ABLIM1: variants seen among roughly 807,000 people sequenced by gnomAD.
ABLIM1 encodes the protein actin binding LIM protein 1, also known as actin-binding LIM protein 1.
Under a neutral mutation model 107.0 loss-of-function variants are expected in ABLIM1, and 40 were observed. The ratio of observed to expected loss-of-function variants is 0.37; its 90% CI spans 0.29 to 0.49. ABLIM1 has a LOEUF of 0.49. Among genes scored for constraint, ABLIM1 ranks in the 20% least tolerant of loss-of-function variants. The pLI is 0.97. For missense variants in ABLIM1, 857 were observed against 1,008.5 expected (o/e 0.85, Z 2.04); for synonymous variants, 357 against 357.3 (o/e 1.00, Z 0.01).
intron 1 of ABLIM1, among the ~76,000 whole-genome samples, chr10:114,764,514 G>T (rs1339495995): frequency 2.0e-5 from 3 of 151,418 alleles, no homozygotes; most frequent in African/African-American, 7.3e-5. Context: ...GCTAATTTTT[G>T]TATTTTTAAG....
intron 6 of ABLIM1, among the ~76,000 whole-genome samples, chr10:114,492,905 C>A (rs181566538): frequency 1.3e-5 from 2 of 151,962 alleles, no homozygotes; most frequent in African/African-American, 4.8e-5. Flanking sequence ...GCAACCAGCA[C>A]GTGAGGTGGT....
chr10:114,756,256 A>G (rs994426552), intron 1 of ABLIM1, among the ~76,000 whole-genome samples: 1 of 152,206 alleles, frequency 6.6e-6, no homozygotes, highest in Non-Finnish European at 1.5e-5. Context: ...TGTTCACTAT[A>G]CTATAACTAG....
At chr10:114,497,399 G>A (rs1436635021) in intron 6 of ABLIM1, among the ~76,000 whole-genome samples, 1 of 138,528 alleles carries the variant, frequency 7.2e-6, no homozygotes, top group Non-Finnish European at 1.6e-5. Context: ...CCCATTTCTG[G>A]CCGGGCGCGG....
intron 1 of ABLIM1, among the ~76,000 whole-genome samples, chr10:114,730,621 ATATC>A (rs1285356124): frequency 6.6e-6 from 1 of 152,120 alleles, no homozygotes; most frequent in African/African-American, 2.4e-5. Context: ...AATCAATTAA[ATATC>A]TATATGATTT....
intron 1 of ABLIM1, among the ~76,000 whole-genome samples, chr10:114,667,405 T>C (rs185748190): frequency 1.3e-3 from 202 of 152,322 alleles, no homozygotes; most frequent in Non-Finnish European, 1.7e-3. Flanking sequence ...CTCTCCCTAT[T>C]ATATTATTTT....
At chr10:114,690,301 T>C (rs2081046713) in intron 1 of ABLIM1, 3 of 1,588,310 alleles carry the variant, frequency 1.9e-6, no homozygotes, top group South Asian at 1.1e-5. Context: ...GCAGTGCAGA[T>C]GAAAAACTGG....
intron 2 of ABLIM1, among the ~76,000 whole-genome samples, chr10:114,599,749 T>C (rs1000815476): frequency 6.6e-6 from 1 of 151,630 alleles, no homozygotes; most frequent in Non-Finnish European, 1.5e-5. Context: ...ATCACACCAC[T>C]GCACTCCAGC....
chr10:114,515,895 G>A (rs147324878), intron 6 of ABLIM1, among the ~76,000 whole-genome samples: 8 of 152,280 alleles, frequency 5.3e-5, no homozygotes, highest in Non-Finnish European at 1.0e-4. Flanking sequence ...TTCCTCTACC[G>A]GCTCAGAGAG....
At chr10:114,705,890 G>A (rs996908912) in intron 1 of ABLIM1, among the ~76,000 whole-genome samples, 2 of 152,190 alleles carry the variant, frequency 1.3e-5, no homozygotes, top group African/African-American at 4.8e-5. Context: ...GTGGGAGTAT[G>A]GATCAAATTA....
At chr10:114,496,250 G>A (rs1003486725) in intron 6 of ABLIM1, among the ~76,000 whole-genome samples, 1 of 152,186 alleles carries the variant, frequency 6.6e-6, no homozygotes, top group Admixed American at 6.5e-5. Context: ...GCCCCATGTG[G>A]CAGGACTTCG....
Position 114,747,411 on chromosome 10 carries a change from T to C in ABLIM1, c.-213+20650A>G, listed in dbSNP as rs574343794. ...CTGCTGTGTGTGCCTGTCTCTCCGC[T>C]CTGCTCTATGTGTATACGTGCCCAA... On this transcript the variant is annotated intron_variant, in intron 1 of 15. Transcript: ENST00000651092. Among the ~76,000 whole-genome samples the C allele has an allele frequency of 3.3e-4, 51 of 152,310 alleles. 1 individual carries two copies. The highest frequency in any genetic ancestry group is 1.2e-3 in the African/African-American group (50 of 41,574).
At chr10:114,514,361 T>G (rs1157670144) in intron 6 of ABLIM1, among the ~76,000 whole-genome samples, 1 of 152,132 alleles carries the variant, frequency 6.6e-6, no homozygotes, top group Non-Finnish European at 1.5e-5. Context: ...TTGTAATTTC[T>G]GCAGTCATTC....
intron 6 of ABLIM1, chr10:114,502,001 T>A (rs1197759089): frequency 1.3e-5 from 2 of 152,368 alleles, no homozygotes; most frequent in African/African-American, 4.8e-5. Flanking sequence ...CATCCCTCAG[T>A]ATTATTTATT....
chr10:114,573,291 T>G (rs184070174), intron 3 of ABLIM1, among the ~76,000 whole-genome samples: 2 of 152,354 alleles, frequency 1.3e-5, no homozygotes, highest in Admixed American at 6.5e-5. Flanking sequence ...AATAGAGATA[T>G]TAACTCCTGG....
intron 1 of ABLIM1, among the ~76,000 whole-genome samples, chr10:114,639,093 G>T (rs1417681254): frequency 6.6e-6 from 1 of 152,144 alleles, no homozygotes; most frequent in Non-Finnish European, 1.5e-5. Flanking sequence ...TCCTAATTAT[G>T]CCCTGGAACA....
intron 2 of ABLIM1, among the ~76,000 whole-genome samples, chr10:114,576,656 T>C (rs972935153): frequency 6.6e-6 from 1 of 152,160 alleles, no homozygotes; most frequent in Non-Finnish European, 1.5e-5. Context: ...AAGGTTCTGA[T>C]GAAAGTCACG....
intron 12 of ABLIM1, chr10:114,463,122 G>C (rs1202792556): frequency 1.5e-6 from 2 of 1,320,448 alleles, no homozygotes; most frequent in Admixed American, 2.2e-5. Context: ...GAGGCTGCTG[G>C]TGCGCAGGTA....
chr10:114,717,227 T>C (rs995106283), intron 1 of ABLIM1, among the ~76,000 whole-genome samples: 4 of 152,194 alleles, frequency 2.6e-5, no homozygotes, highest in Admixed American at 2.0e-4. Context: ...CTTCTACTCG[T>C]GGGAAGAAAT....
chr10:114,650,998 T>G (rs1591736400), intron 1 of ABLIM1, among the ~76,000 whole-genome samples: 1 of 152,302 alleles, frequency 6.6e-6, no homozygotes, highest in East Asian at 1.9e-4. Context: ...ACATATTAAG[T>G]CACTTGCCCA....
Sources: allele counts gnomAD v4.1 joint callset (sites outside exome capture counted in the v4.1 genomes callset), GRCh38; gene constraint gnomAD v4.1.1; transcripts MANE v1.5; gene names NCBI Gene and HGNC (gene_info 2026-07-23, HGNC 2026-07-21).